The following RGS7 variants were observed in gnomAD, a reference collection of about 807,000 sequenced individuals.
The protein encoded by RGS7 is regulator of G-protein signaling 7.
RGS7 carries 27 observed loss-of-function variants against 81.1 expected under a neutral mutation model. The ratio of observed to expected loss-of-function variants is 0.33; its 90% CI spans 0.25 to 0.46. The LOEUF (loss-of-function observed/expected upper bound fraction) is 0.46. Among genes scored for constraint, RGS7 ranks in the 20% least tolerant of loss-of-function variants. RGS7 has a pLI of 1.00. For synonymous variants in RGS7, 208 were observed against 207.7 expected, an observed-to-expected ratio of 1.00 and a Z score of -0.01; for missense variants, 396 against 607.4, an observed-to-expected ratio of 0.65 and a Z score of 3.66.
At chr1:240,971,298 T>A (rs945690586) in intron 4 of RGS7, among the ~76,000 whole-genome samples, 1 of 152,182 alleles carries the variant, frequency 6.6e-6, no homozygotes, top group Non-Finnish European at 1.5e-5. Flanking sequence ...GAGAAATAAA[T>A]CTTTCTGTTG....
intron 2 of RGS7, among the ~76,000 whole-genome samples, chr1:241,204,230 C>T (rs2147873233): frequency 6.6e-6 from 1 of 152,294 alleles, no homozygotes; most frequent in East Asian, 1.9e-4. Context: ...GAATCACAGT[C>T]AACACCCAAG....
At chr1:240,946,243 C>T (rs754324878) in intron 4 of RGS7, among the ~76,000 whole-genome samples, 1 of 151,980 alleles carries the variant, frequency 6.6e-6, no homozygotes, top group Non-Finnish European at 1.5e-5. Context: ...TTTTCTTCAC[C>T]ATTCTGCTTG....
chr1:241,148,051 C>CTTTTTTTTTTTT (rs58632066), intron 2 of RGS7, among the ~76,000 whole-genome samples: 35 of 108,486 alleles, frequency 3.2e-4, no homozygotes, highest in Non-Finnish European at 5.0e-4. Flanking sequence ...TTTTCTTTTT[C>CTTTTTTTTTTTT]TTTTTTTTTT....
intron 6 of RGS7, among the ~76,000 whole-genome samples, chr1:240,927,379 T>C (rs1674639241): frequency 6.6e-6 from 1 of 152,182 alleles, no homozygotes; most frequent in Non-Finnish European, 1.5e-5. Context: ...AACTCTTCTT[T>C]AACCTGCCTT....
chr1:241,116,808 C>A (rs956295229), intron 2 of RGS7, among the ~76,000 whole-genome samples: 1 of 152,102 alleles, frequency 6.6e-6, no homozygotes, highest in Non-Finnish European at 1.5e-5. Context: ...TATCCTCCTT[C>A]CAGCTATTTG....
At chr1:241,182,180 C>T (rs2071678825) in intron 2 of RGS7, among the ~76,000 whole-genome samples, 2 of 152,152 alleles carry the variant, frequency 1.3e-5, no homozygotes, top group African/African-American at 4.8e-5. Flanking sequence ...GGATCCCTGC[C>T]ATCACCATGC....
intron 2 of RGS7, among the ~76,000 whole-genome samples, chr1:241,339,736 C>T (rs2082433188): frequency 6.6e-6 from 1 of 152,094 alleles, no homozygotes; most frequent in Non-Finnish European, 1.5e-5. Context: ...AGGTGCATGC[C>T]CTTTTTTTAA....
chr1:240,823,537 G>GT, intron 10 of RGS7: 1 of 175,534 alleles, frequency 5.7e-6, no homozygotes. Context: ...AAGGGGTGGG[G>GT]TGGGGACATG....
At chr1:240,910,059 C>T (rs1671489089) in intron 6 of RGS7, among the ~76,000 whole-genome samples, 1 of 152,110 alleles carries the variant, frequency 6.6e-6, no homozygotes, top group Admixed American at 6.6e-5. Context: ...CTGATATTTG[C>T]TTTTGTTTTG....
chr1:241,030,234 T>G (rs1385321172), intron 3 of RGS7, among the ~76,000 whole-genome samples: 1 of 151,794 alleles, frequency 6.6e-6, no homozygotes, highest in African/African-American at 2.4e-5. Context: ...CCTTTTTCTT[T>G]TACATCAGCC....
intron 9 of RGS7, among the ~76,000 whole-genome samples, chr1:240,861,995 A>C (rs1202019591): frequency 6.6e-6 from 1 of 152,114 alleles, no homozygotes; most frequent in African/African-American, 2.4e-5. Flanking sequence ...AATTATTGAA[A>C]CATTAAATAC....
At chr1:241,161,057 C>T (rs1015715532) in intron 2 of RGS7, among the ~76,000 whole-genome samples, 3 of 115,234 alleles carry the variant, frequency 2.6e-5, no homozygotes, top group African/African-American at 1.0e-4. Flanking sequence ...ACACCCAAAC[C>T]ACCTGTAGAA....
At chr1:241,303,420 T>G (rs1056643333) in intron 2 of RGS7, among the ~76,000 whole-genome samples, 2 of 152,184 alleles carry the variant, frequency 1.3e-5, no homozygotes, top group African/African-American at 2.4e-5. Context: ...TGCAGAACTG[T>G]GAGTCAATTA....
intron 3 of RGS7, among the ~76,000 whole-genome samples, chr1:241,051,547 T>A (rs2061251720): frequency 6.6e-6 from 1 of 152,072 alleles, no homozygotes; most frequent in African/African-American, 2.4e-5. Context: ...TCTCTTTCTC[T>A]CTCTCCCCGC....
chr1:240,941,737 C>T (rs549454336), intron 4 of RGS7, among the ~76,000 whole-genome samples: 1 of 151,586 alleles, frequency 6.6e-6, no homozygotes, highest in Non-Finnish European at 1.5e-5. Flanking sequence ...GCCACAGTTC[C>T]CTGTGGTCCC....
chr1:241,133,860 T>C (rs1193994786), intron 2 of RGS7, among the ~76,000 whole-genome samples: 1 of 152,136 alleles, frequency 6.6e-6, no homozygotes, highest in Non-Finnish European at 1.5e-5. Context: ...AATCAAACTA[T>C]GTGAAAGAAT....
At chr1:241,045,571 C>T (rs776827412) in intron 3 of RGS7, among the ~76,000 whole-genome samples, 2 of 152,186 alleles carry the variant, frequency 1.3e-5, no homozygotes, top group Non-Finnish European at 2.9e-5. Context: ...ACTATGTTGG[C>T]CAGGCTGGTC....
chr1:241,284,532 T>C (rs2078691840), intron 2 of RGS7, among the ~76,000 whole-genome samples: 1 of 152,198 alleles, frequency 6.6e-6, no homozygotes, highest in South Asian at 2.1e-4. Context: ...TCCTGACTTT[T>C]CTCTGACAAG....
At chr1:241,333,788 G>A (rs1022108742) in intron 2 of RGS7, among the ~76,000 whole-genome samples, 3 of 151,888 alleles carry the variant, frequency 2.0e-5, no homozygotes, top group African/African-American at 7.3e-5. Flanking sequence ...TTATTAAAAA[G>A]CAATTTTTAG....
Sources: gnomAD v4.1 joint callset for allele counts (sites outside exome capture counted in the v4.1 genomes callset) on GRCh38, gnomAD v4.1.1 for gene constraint, MANE v1.5 for transcripts, NCBI Gene and HGNC (gene_info 2026-07-23, HGNC 2026-07-21) for gene names.